Variants in LIN54 observed in about 807,000 individuals in gnomAD.
The protein encoded by LIN54 is lin-54 DREAM MuvB core complex component.
In LIN54, 9 loss-of-function variants were observed where a neutral mutation model predicts 78.7. The observed-to-expected ratio is 0.11, with a 90% CI of 0.07 to 0.20. The LOEUF is 0.20. Among genes scored for constraint, LIN54 ranks in the 10% least tolerant of loss-of-function variants. The pLI is 1.00. For synonymous variants in LIN54, 269 were observed against 318.4 expected, an observed-to-expected ratio of 0.84 and a Z score of 1.65; for missense variants, 573 against 889.9, an observed-to-expected ratio of 0.64 and a Z score of 4.53.
chr4:82,928,396 T>C, intron 12 of LIN54, 93 bp from the exon 13 acceptor site: 1 of 958,180 alleles, frequency 1.0e-6, no homozygotes, highest in South Asian at 1.4e-5. Context: ...CTACTGACAC[T>C]TTCACAATTC....
At chr4:82,952,880 G>A (rs1484765497) in intron 4 of LIN54, among the ~76,000 whole-genome samples, 3 of 152,110 alleles carry the variant, frequency 2.0e-5, no homozygotes, top group East Asian at 1.9e-4. Flanking sequence ...GACAAATATT[G>A]TATGTTTACA....
At chr4:82,955,415 A>ATAACATAACT (rs1724222187) in intron 4 of LIN54, among the ~76,000 whole-genome samples, 1 of 151,618 alleles carries the variant, frequency 6.6e-6, no homozygotes. Context: ...ATAACATAAC[A>ATAACATAACT]TAACATAATG....
At chr4:82,989,306 C>T (rs2126092968) in intron 1 of LIN54, among the ~76,000 whole-genome samples, 1 of 152,230 alleles carries the variant, frequency 6.6e-6, no homozygotes, top group Admixed American at 6.5e-5. Flanking sequence ...TTTTGGGACA[C>T]CAAAGTACTA....
intron 1 of LIN54, among the ~76,000 whole-genome samples, chr4:82,988,096 CATT>C (rs572972389): frequency 1.0e-3 from 158 of 152,278 alleles, no homozygotes; most frequent in Non-Finnish European, 1.9e-3. Flanking sequence ...GATGGTATCT[CATT>C]GTGATTTTCA....
intron 2 of LIN54, among the ~76,000 whole-genome samples, 173 bp from the exon 3 acceptor site, chr4:82,979,179 AATATT>A (rs1560767985): frequency 2.0e-5 from 3 of 152,022 alleles, no homozygotes; most frequent in Admixed American, 1.3e-4. Context: ...TCAAAATATT[AATATT>A]ATTATATCCT....
Position 82,984,886 on chromosome 4 carries a change from A to C in LIN54, c.-32-10T>G. 1 of 1,527,972 alleles carries C rather than the reference A, an allele frequency of 6.5e-7. No homozygotes were observed. Among genetic ancestry groups the C allele is most frequent in the Non-Finnish European group, 8.8e-7 (1 of 1,141,186 alleles). The allele number at this position is 1,527,972 out of a possible 1,614,324, so 94.7% of individuals were successfully genotyped here. ...GAAAGTTGATCAGGCACTGTAATAA[A>C]AGTTGAAAAATGAACAAGTTACTAG... On this transcript the variant is annotated splice_polypyrimidine_tract_variant and intron_variant, in intron 1 of 12. Coordinates refer to ENST00000340417, the MANE Select transcript of LIN54 (RefSeq NM_194282.4).
intron 4 of LIN54, among the ~76,000 whole-genome samples, chr4:82,950,430 G>T (rs1723762808): frequency 6.6e-6 from 1 of 152,178 alleles, no homozygotes; most frequent in Admixed American, 6.5e-5. Context: ...GAAAAAGACA[G>T]AAGGATTTTA....
At chr4:82,930,707 TA>T (rs1045320316) in intron 12 of LIN54, among the ~76,000 whole-genome samples, 1 of 152,202 alleles carries the variant, frequency 6.6e-6, no homozygotes, top group Non-Finnish European at 1.5e-5. Flanking sequence ...CTCATCTTAG[TA>T]GACAGAAATT....
intron 4 of LIN54, among the ~76,000 whole-genome samples, chr4:82,955,374 C>T (rs1443517829): frequency 7.2e-6 from 1 of 138,772 alleles, no homozygotes; most frequent in Non-Finnish European, 1.5e-5. Context: ...AAAAAAATAA[C>T]ATAACATAAC....
intron 1 of LIN54, among the ~76,000 whole-genome samples, chr4:82,985,122 A>G (rs1466824115): frequency 6.6e-6 from 1 of 152,214 alleles, no homozygotes; most frequent in African/African-American, 2.4e-5. Flanking sequence ...TCAATCCACA[A>G]GTATCTTGCA....
In LIN54 at chr4:82,984,763, T is replaced by G. The variant is rs771716531; in HGVS notation, c.82A>C (p.Ser28Arg). 8.1e-6 allele frequency: 13 copies of G among 1,613,786 alleles called. No individual in the cohort carries two copies. Among genetic ancestry groups the G allele is most frequent in the Non-Finnish European group, 1.0e-5 (12 of 1,179,838 alleles). The change falls in exon 2 of 13, where the codon AGT (serine) becomes CGT (arginine). Residue 28 changes from serine (S) to arginine (R), a missense_variant. By Grantham distance (110) the Ser-to-Arg change is moderately radical. Transcript: ENST00000340417. ...DTGITLVDDD[S>R]IEAVIVSSPI... ...GATGAAACAATAACAGCCTCAATAC[T>G]ATCATCATCCACTAAAGTTATACCA...
rs1013068339 is a variant in LIN54 at position 82,963,432 on chromosome 4, G to T, written c.951+6895C>A. ...TATATAGGATATGGTTAAAATGAAAGCAAATAAAGGACTTGTTTTTCTTAT... is the reference window on the plus strand; with the variant it reads ...TATATAGGATATGGTTAAAATGAAATCAAATAAAGGACTTGTTTTTCTTAT... On this transcript the variant is annotated intron_variant, in intron 4 of 12. Transcript: ENST00000340417. 2.6e-5 allele frequency among the ~76,000 whole-genome samples: 4 copies of T among 152,118 alleles called. No individual in the cohort carries two copies. The South Asian group carries it at 8.3e-4, about 31-fold the overall frequency.
At chr4:82,947,235 A>T (rs11946337) in intron 4 of LIN54, among the ~76,000 whole-genome samples, 5,457 of 44,528 alleles carry the variant, frequency 0.12, 509 homozygotes, top group African/African-American at 0.25. Context: ...ATATATATAT[A>T]TTTTTTTTTT....
chr4:82,961,077 A>T (rs1578551165), intron 4 of LIN54, among the ~76,000 whole-genome samples: 2 of 152,022 alleles, frequency 1.3e-5, no homozygotes, highest in Admixed American at 6.6e-5. Flanking sequence ...TTTTTAAAAA[A>T]TTTTTCTTTT....
chr4:82,957,855 T>C (rs1012667118), intron 4 of LIN54, among the ~76,000 whole-genome samples: 3 of 152,226 alleles, frequency 2.0e-5, no homozygotes, highest in African/African-American at 7.2e-5. Flanking sequence ...TGCTCTCTAC[T>C]GATTCCCCAA....
intron 7 of LIN54, among the ~76,000 whole-genome samples, chr4:82,939,191 A>T (rs1722635234): frequency 6.6e-6 from 1 of 152,136 alleles, no homozygotes; most frequent in Non-Finnish European, 1.5e-5. Context: ...CATCAAATTT[A>T]TGTGTGAGGA....
At chr4:82,931,504 CATT>C (rs2126027950) in intron 11 of LIN54, among the ~76,000 whole-genome samples, 1 of 152,276 alleles carries the variant, frequency 6.6e-6, no homozygotes, top group East Asian at 1.9e-4. Context: ...ATCAAATCAT[CATT>C]AACATATAGA....
chr4:82,993,610 TTTTG>T (rs1217602127), intron 1 of LIN54, among the ~76,000 whole-genome samples: 1 of 151,988 alleles, frequency 6.6e-6, no homozygotes, highest in African/African-American at 2.4e-5. Context: ...AAAAATGGTT[TTTTG>T]TTTGTTTCTT....
At chr4:82,999,777 C>CAAAA (rs1295987591) in intron 1 of LIN54, among the ~76,000 whole-genome samples, 19,079 of 91,748 alleles carry the variant, frequency 0.21, 3,138 homozygotes, top group East Asian at 0.44. Context: ...GACTCTGTCT[C>CAAAA]AAAAAAAAAA....
Sources: gnomAD v4.1 joint callset for allele counts (sites outside exome capture counted in the v4.1 genomes callset) on GRCh38, gnomAD v4.1.1 for gene constraint, MANE v1.5 for transcripts, NCBI Gene and HGNC (gene_info 2026-07-23, HGNC 2026-07-21) for gene names.